CLCN3: variants seen among roughly 807,000 people sequenced by gnomAD.
CLCN3 encodes the protein Cl-/H+ antiporter 3.
CLCN3 carries 16 observed loss-of-function variants against 83.4 expected under a neutral mutation model. The ratio of observed to expected loss-of-function variants is 0.19; its 90% CI spans 0.13 to 0.29. The LOEUF (loss-of-function observed/expected upper bound fraction) is 0.29. CLCN3 is among the 10% of genes least tolerant of loss of function. The pLI, the probability that CLCN3 is intolerant of heterozygous loss-of-function variation, is 1.00. For missense variants in CLCN3, 544 were observed against 1,006.0 expected, an observed-to-expected ratio of 0.54 and a Z score of 6.21; for synonymous variants, 322 against 346.2, an observed-to-expected ratio of 0.93 and a Z score of 0.78.
intron 11 of CLCN3, among the ~76,000 whole-genome samples, chr4:169,712,152 C>A (rs1183335402): frequency 6.6e-6 from 1 of 151,954 alleles, no homozygotes; most frequent in Admixed American, 6.6e-5. Flanking sequence ...CCTGAGCCAC[C>A]ATGGCCGGCC....
intron 7 of CLCN3, among the ~76,000 whole-genome samples, chr4:169,694,061 G>A (rs1266610297): frequency 6.6e-6 from 1 of 151,890 alleles, no homozygotes; most frequent in Admixed American, 6.6e-5. Flanking sequence ...TCAGGATCAG[G>A]ACATTCAAAT....
intron 1 of CLCN3, among the ~76,000 whole-genome samples, chr4:169,633,634 A>G (rs183166632): frequency 4.8e-4 from 73 of 152,354 alleles, no homozygotes; most frequent in African/African-American, 1.7e-3. Flanking sequence ...AGTGCTGCAA[A>G]TGCAAGCCAC....
At chr4:169,691,448 G>A (rs1195805413) in intron 6 of CLCN3, among the ~76,000 whole-genome samples, 5 of 151,916 alleles carry the variant, frequency 3.3e-5, no homozygotes, top group Non-Finnish European at 5.9e-5. Flanking sequence ...CAAACTTTTG[G>A]GTTTTATTTT....
At chr4:169,657,484 A>G (rs904870629) in intron 2 of CLCN3, among the ~76,000 whole-genome samples, 1 of 152,194 alleles carries the variant, frequency 6.6e-6, no homozygotes, top group South Asian at 2.1e-4. Context: ...AAAATTGTTT[A>G]AAATTTATTT....
At chr4:169,628,360 G>A (rs981973679) in intron 1 of CLCN3, among the ~76,000 whole-genome samples, 1 of 152,062 alleles carries the variant, frequency 6.6e-6, no homozygotes, top group Non-Finnish European at 1.5e-5. Flanking sequence ...CTGTTAAAAA[G>A]ATGAAAAGAT....
chr4:169,718,224 G>C (rs1733498689), intron 12 of CLCN3, among the ~76,000 whole-genome samples: 1 of 151,100 alleles, frequency 6.6e-6, no homozygotes, highest in African/African-American at 2.4e-5. Context: ...CACCTGACTG[G>C]TTAAAAATGT....
At chr4:169,647,112 G>A (rs1224467584) in intron 2 of CLCN3, among the ~76,000 whole-genome samples, 4 of 152,160 alleles carry the variant, frequency 2.6e-5, no homozygotes, top group Non-Finnish European at 4.4e-5. Flanking sequence ...TTGGCTGGGC[G>A]TGGTGGCTCA....
At chr4:169,622,909 A>C (rs1359447723) in intron 1 of CLCN3, among the ~76,000 whole-genome samples, 1 of 152,232 alleles carries the variant, frequency 6.6e-6, no homozygotes, top group Admixed American at 6.5e-5. Context: ...GTGTTTTTAA[A>C]AGGAATACTC....
chr4:169,627,868 G>T (rs556352236), intron 1 of CLCN3, among the ~76,000 whole-genome samples: 1 of 152,268 alleles, frequency 6.6e-6, no homozygotes, highest in African/African-American at 2.4e-5. Flanking sequence ...GAAGAATAAG[G>T]TGTGAAAGAT....
intron 2 of CLCN3, among the ~76,000 whole-genome samples, chr4:169,661,477 ATAATT>A (rs1467944461): frequency 3.9e-5 from 6 of 152,100 alleles, no homozygotes; most frequent in African/African-American, 1.4e-4. Flanking sequence ...AAGTTCCACT[ATAATT>A]TAAACATTAT....
At chr4:169,642,582 G>T (rs10002133) in intron 2 of CLCN3, 21 of 152,060 alleles carry the variant, frequency 1.4e-4, no homozygotes, top group African/African-American at 5.1e-4. Flanking sequence ...CCAGTGGCAC[G>T]ATCTCAGCTC....
At chr4:169,719,423 C>T (rs1054582355) in intron 12 of CLCN3, among the ~76,000 whole-genome samples, 40 of 152,236 alleles carry the variant, frequency 2.6e-4, no homozygotes, top group African/African-American at 9.4e-4. Context: ...GAGATCGCGC[C>T]ACTGCACTCC....
chr4:169,671,259 A>G (rs575511073), intron 2 of CLCN3, among the ~76,000 whole-genome samples: 2 of 152,368 alleles, frequency 1.3e-5, no homozygotes, highest in Admixed American at 1.3e-4. Context: ...ATGGAATACT[A>G]TGCAGCCATA....
In CLCN3 at chr4:169,706,857, A is replaced by G; in HGVS notation, c.1751-11A>G. 6.2e-7 allele frequency: 1 copy of G among 1,603,892 alleles called. No individual in the cohort carries two copies. The highest frequency in any genetic ancestry group is 8.5e-7 in the Non-Finnish European group (1 of 1,172,550). On this transcript the variant is annotated splice_polypyrimidine_tract_variant and intron_variant, in intron 10 of 12. Coordinates refer to ENST00000513761, the MANE Select transcript of CLCN3 (RefSeq NM_001829.4). ...TGTCCTTCCTGACCAGTGGGTGCTT[A>G]CTTTTTTCAGGTGGTGTGACAAGAA...
intron 11 of CLCN3, among the ~76,000 whole-genome samples, chr4:169,712,263 T>G (rs1272166599): frequency 1.3e-5 from 2 of 152,214 alleles, no homozygotes; most frequent in East Asian, 3.8e-4. Context: ...TATTTTCAGA[T>G]TCTCTCCATT....
At chr4:169,678,101 A>G (rs1366958333) in intron 2 of CLCN3, among the ~76,000 whole-genome samples, 2 of 152,248 alleles carry the variant, frequency 1.3e-5, no homozygotes, top group African/African-American at 2.4e-5. Flanking sequence ...GGGCAAAAAC[A>G]AAACCACAAC....
intron 2 of CLCN3, among the ~76,000 whole-genome samples, chr4:169,665,415 CTATT>C (rs1731207968): frequency 6.6e-6 from 1 of 152,020 alleles, no homozygotes; most frequent in Non-Finnish European, 1.5e-5. Flanking sequence ...TTCTTTTTTG[CTATT>C]TATTTACCCA....
At chr4:169,718,269 T>A (rs1389799743) in intron 12 of CLCN3, among the ~76,000 whole-genome samples, 1 of 151,608 alleles carries the variant, frequency 6.6e-6, no homozygotes, top group African/African-American at 2.4e-5. Flanking sequence ...TTTTTTTTTT[T>A]AAATGTTTCC....
chr4:169,623,914 A>G (rs1363394955), intron 1 of CLCN3, among the ~76,000 whole-genome samples: 1 of 152,196 alleles, frequency 6.6e-6, no homozygotes, highest in Non-Finnish European at 1.5e-5. Flanking sequence ...TCCATTCATC[A>G]TAGATCCTTT....
Sources: gnomAD v4.1 joint callset for allele counts (sites outside exome capture counted in the v4.1 genomes callset) on GRCh38, gnomAD v4.1.1 for gene constraint, MANE v1.5 for transcripts, NCBI Gene and HGNC (gene_info 2026-07-23, HGNC 2026-07-21) for gene names.